SBNO2: variants seen among roughly 807,000 people sequenced by gnomAD.
SBNO2 encodes strawberry notch homolog 2.
A neutral mutation model predicts 146.3 loss-of-function variants in SBNO2; 89 were observed. The ratio of observed to expected loss-of-function variants is 0.61; its 90% CI spans 0.51 to 0.73. SBNO2 has a LOEUF of 0.73. SBNO2 is among the 30% of genes least tolerant of loss of function. SBNO2 has a pLI of 0.00. For synonymous variants in SBNO2, 1,147 were observed against 892.6 expected (o/e 1.29, Z -5.08); for missense variants, 2,092 against 2,003.7 (o/e 1.04, Z -0.84).
chr19:1,112,952 G>T lies in SBNO2; in HGVS notation c.2248-3C>A. On this transcript the variant is annotated splice_polypyrimidine_tract_variant and splice_region_variant and intron_variant, in intron 19 of 31. Coordinates refer to ENST00000361757, the MANE Select transcript of SBNO2 (RefSeq NM_014963.3). The surrounding 1 kb of genome is among the most constrained non-coding windows in gnomAD (Gnocchi z 5.9). ...ACGCGGCCTTTCCTGCCGGTCATCT[G>T]CAGCCGAGACAGGGACAAAACCGGC... The T allele has an allele frequency of 6.4e-7, 1 of 1,559,676 alleles. No individual in the cohort carries two copies. Among genetic ancestry groups the T allele is most frequent in the Non-Finnish European group, 8.7e-7 (1 of 1,153,702 alleles).
At chr19:1,169,375 C>T in intron 1 of SBNO2, among the ~76,000 whole-genome samples, 1 of 152,240 alleles carries the variant, frequency 6.6e-6, no homozygotes, top group Non-Finnish European at 1.5e-5. Context: ...GCTTCAGGGC[C>T]ACGCTGCCAT....
intron 13 of SBNO2, 129 bp downstream of exon 13, chr19:1,119,387 A>G: frequency 1.1e-6 from 1 of 883,304 alleles, no homozygotes; most frequent in South Asian, 1.7e-5. Context: ...CAGTGAAACG[A>G]GCGACCCACA....
chr19:1,120,467 A>C (rs1157437084), intron 11 of SBNO2, among the ~76,000 whole-genome samples: 1 of 152,150 alleles, frequency 6.6e-6, no homozygotes, highest in Non-Finnish European at 1.5e-5. Flanking sequence ...CTCAGATTCA[A>C]GTGATTCTCC....
intron 2 of SBNO2, among the ~76,000 whole-genome samples, chr19:1,152,453 G>T (rs1335831718): frequency 1.3e-5 from 2 of 152,176 alleles, no homozygotes; most frequent in East Asian, 3.9e-4. Context: ...GGTTTCGGGG[G>T]ATGGAGCTGT....
intron 2 of SBNO2, among the ~76,000 whole-genome samples, chr19:1,149,736 A>G (rs1217174333): frequency 2.0e-5 from 3 of 152,214 alleles, no homozygotes; most frequent in Non-Finnish European, 4.4e-5. Flanking sequence ...GCAGGCCCGC[A>G]GCCCGGGAGT....
At position 1,140,451 on chromosome 19, in the gene SBNO2, G is replaced by A. The variant is rs1599859070; in HGVS notation, c.279+6858C>T. On this transcript the variant is annotated intron_variant, in intron 4 of 31. Coordinates refer to ENST00000361757, the MANE Select transcript of SBNO2 (RefSeq NM_014963.3). The surrounding 1 kb of genome is among the most constrained non-coding windows in gnomAD (Gnocchi z 4.4). Reference sequence around the variant, plus strand: ...AGCCTGATGGCTTCGCGCCAACCTGGAGACGGAAGGCTGAGCAGAAGTGAG... The same window carrying A: ...AGCCTGATGGCTTCGCGCCAACCTGAAGACGGAAGGCTGAGCAGAAGTGAG... Among the ~76,000 whole-genome samples the A allele has an allele frequency of 6.6e-6, 1 of 152,214 alleles. No homozygotes were observed. The highest frequency in any genetic ancestry group is 2.4e-5 in the African/African-American group (1 of 41,462).
chr19:1,131,515 C>T (rs2080028153), intron 4 of SBNO2, among the ~76,000 whole-genome samples: 1 of 152,224 alleles, frequency 6.6e-6, no homozygotes, highest in South Asian at 2.1e-4. Flanking sequence ...GACCTGACTC[C>T]AGAACTGACT....
intron 1 of SBNO2, among the ~76,000 whole-genome samples, chr19:1,161,340 AGTACTGG>A (rs1431135739): frequency 1.2e-4 from 4 of 33,974 alleles, no homozygotes; most frequent in African/African-American, 5.8e-4. Context: ...GGGGTGCCTG[AGTACTGG>A]GTACTGGGGG....
rs993052699 is a variant in SBNO2, at chr19:1,110,583, C to G, written c.3028+162G>C. ...CCACCTGGGATGCCCGGCGTTCCCACGAGCCCCTCGCCCACCCGGGATGCA... is the reference window on the plus strand; with the variant it reads ...CCACCTGGGATGCCCGGCGTTCCCAGGAGCCCCTCGCCCACCCGGGATGCA... On this transcript the variant is annotated intron_variant, in intron 26 of 31. Coordinates refer to ENST00000361757, the MANE Select transcript of SBNO2 (RefSeq NM_014963.3). The surrounding 1 kb of genome is among the most constrained non-coding windows in gnomAD (Gnocchi z 4.9). 1 of 808,914 alleles carries G rather than the reference C, an allele frequency of 1.2e-6. No individual in the cohort carries two copies. The highest frequency in any genetic ancestry group is 1.8e-6 in the Non-Finnish European group (1 of 565,414). The allele number at this position is 808,914 out of a possible 1,614,324, so 50.1% of individuals were successfully genotyped here.
intron 4 of SBNO2, among the ~76,000 whole-genome samples, chr19:1,142,124 C>T (rs2080144703): frequency 7.2e-6 from 1 of 139,114 alleles, no homozygotes; most frequent in African/African-American, 2.8e-5. Flanking sequence ...CATGATCAAC[C>T]CTCCCTCAAT....
intron 3 of SBNO2, among the ~76,000 whole-genome samples, chr19:1,149,059 G>A (rs1210055116): frequency 1.3e-5 from 1 of 78,974 alleles, no homozygotes; most frequent in African/African-American, 4.8e-5. Context: ...AAAACCTCCC[G>A]CCCCTTCCCA....
In SBNO2 at chr19:1,109,438, G is replaced by A. The variant is rs754737074; in HGVS notation, c.3217-15C>T. The A allele has an allele frequency of 1.0e-5, 16 of 1,563,416 alleles. No homozygotes were observed. In the East Asian group the frequency reaches 1.7e-4, roughly 16 times the overall value. On this transcript the variant is annotated splice_polypyrimidine_tract_variant and intron_variant, in intron 28 of 31. Coordinates refer to ENST00000361757, the MANE Select transcript of SBNO2 (RefSeq NM_014963.3). This position sits in a 1 kb window ranked among gnomAD's most constrained non-coding sequence, Gnocchi z 4.2. Reference sequence around the variant, plus strand: ...TTACCGCGGACCTGCGGAGGGGGGCGTTGAGGCCGCGCCCCGGTCCGCCCC... The same window carrying A: ...TTACCGCGGACCTGCGGAGGGGGGCATTGAGGCCGCGCCCCGGTCCGCCCC...
At chr19:1,118,986 C>G in intron 14 of SBNO2, 25 bp downstream of exon 14, 1 of 1,563,744 alleles carries the variant, frequency 6.4e-7, no homozygotes, top group Non-Finnish European at 8.6e-7. Context: ...GCACAGGGGT[C>G]CCCGGGTCGG....
intron 1 of SBNO2, chr19:1,169,046 TGC>T (rs1225506656): frequency 1.3e-5 from 2 of 152,252 alleles, no homozygotes; most frequent in East Asian, 3.8e-4. Context: ...CGCTTGTTCT[TGC>T]TGGGGATGGA....
chr19:1,123,079 G>C (rs2079922953), intron 7 of SBNO2, 34 bp from the exon 8 acceptor site: 3 of 1,582,020 alleles, frequency 1.9e-6, no homozygotes, highest in East Asian at 2.3e-5. Context: ...AAGGTAAAGG[G>C]TATGGCCAAG....
At chr19:1,146,504 G>A (rs2080191196) in intron 4 of SBNO2, among the ~76,000 whole-genome samples, 1 of 152,108 alleles carries the variant, frequency 6.6e-6, no homozygotes, top group Non-Finnish European at 1.5e-5. Context: ...ATTACACAGG[G>A]GAAGCGGAGG....
chr19:1,129,283 GA>G (rs1331993616), intron 4 of SBNO2, among the ~76,000 whole-genome samples: 1 of 151,932 alleles, frequency 6.6e-6, no homozygotes, highest in Non-Finnish European at 1.5e-5. Context: ...AACAAACAAA[GA>G]AAAAAACCAG....
At chr19:1,172,078 G>T (rs2080483233) in intron 1 of SBNO2, among the ~76,000 whole-genome samples, 1 of 152,120 alleles carries the variant, frequency 6.6e-6, no homozygotes, top group Non-Finnish European at 1.5e-5. Context: ...CCACACCAGG[G>T]CCCTCCTGGC....
intron 14 of SBNO2, 46 bp downstream of exon 14, chr19:1,118,965 A>T (rs1272688924): frequency 1.3e-6 from 2 of 1,539,394 alleles, no homozygotes; most frequent in African/African-American, 2.7e-5. Flanking sequence ...GAGCAATTTC[A>T]CCCGGGAAAC....
Sources: gnomAD v4.1 joint callset for allele counts (sites outside exome capture counted in the v4.1 genomes callset) on GRCh38, gnomAD v4.1.1 for gene constraint, Gnocchi (gnomAD v3.1) non-coding constraint, MANE v1.5 for transcripts, NCBI Gene and HGNC (gene_info 2026-07-23, HGNC 2026-07-21) for gene names.